The following L3MBTL2 variants were observed in gnomAD, a reference collection of about 807,000 sequenced individuals.
The protein encoded by L3MBTL2 is L3MBTL histone methyl-lysine binding protein 2, also known as lethal(3)malignant brain tumor-like protein 2.
Under a neutral mutation model 86.4 loss-of-function variants are expected in L3MBTL2, and 49 were observed. The ratio of observed to expected loss-of-function variants is 0.57; its 90% CI spans 0.45 to 0.72. L3MBTL2 has a LOEUF of 0.72. L3MBTL2 is among the 30% of genes least tolerant of loss of function. The pLI is 0.00. For synonymous variants in L3MBTL2, 336 were observed against 350.6 expected (o/e 0.96, Z 0.47); for missense variants, 755 against 923.7 (o/e 0.82, Z 2.37).
In L3MBTL2 at chr22:41,205,378, A is replaced by C; in HGVS notation, c.16A>C (p.Ser6Arg). The C allele has an allele frequency of 1.2e-6, 2 of 1,614,076 alleles. No individual in the cohort carries two copies. The highest frequency in any genetic ancestry group is 2.2e-5 in the South Asian group (2 of 91,080). The change falls in exon 1 of 17, where the codon AGT (serine) becomes CGT (arginine). Residue 6 changes from serine (S) to arginine (R), a missense_variant. By Grantham distance (110) the Ser-to-Arg change is moderately radical. This residue lies in a region of L3MBTL2 where 103 missense variants were observed against 105.2 expected (regional missense o/e 0.98). Transcript: ENST00000216237. The part of the protein sequence containing the change: MEKPR[S>R]IEETPSSEPM... ...CTGAGGTCTCATGGAGAAGCCCCGG[A>C]GTATTGAGGTGAGAAGGCGAGGACT...
Position 41,205,469 on chromosome 22 carries a change from GA to G in L3MBTL2, c.24+84del, listed in dbSNP as rs2030128828. On this transcript the variant is annotated intron_variant, in intron 1 of 16. Transcript: ENST00000216237. ...TGGGCCCTTCTTTAGGGCTTTTAGC[GA>G]CGCCTGGAGGGTGGAGGGTGGGAGG... 3 of 1,497,514 alleles carry G rather than the reference GA, an allele frequency of 2.0e-6. No individual in the cohort carries two copies. In the East Asian group the frequency reaches 6.8e-5, roughly 34 times the overall value. The allele number at this position is 1,497,514 out of a possible 1,614,324, so 92.8% of individuals were successfully genotyped here.
rs989369127 is a variant in L3MBTL2, at chr22:41,227,033, G to A, written c.1588-56G>A. ...TTCAAGTGCCTCCGGGCCGGGGCAA[G>A]CCTGCTGGGGTAGGGAGCTGACTGG... On this transcript the variant is annotated intron_variant, in intron 13 of 16. Coordinates refer to ENST00000216237, the MANE Select transcript of L3MBTL2 (RefSeq NM_031488.5). The surrounding 1 kb of genome is among the most constrained non-coding windows in gnomAD (Gnocchi z 6.0). 80 of 1,488,844 alleles carry A rather than the reference G, an allele frequency of 5.4e-5. No homozygotes were observed. The highest frequency in any genetic ancestry group is 6.9e-5 in the Non-Finnish European group (76 of 1,094,058). 92.2% of individuals were successfully genotyped at this position (1,488,844 alleles called of 1,614,324 possible).
chr22:41,222,417 G>C (rs1011833339), intron 8 of L3MBTL2, among the ~76,000 whole-genome samples: 2 of 152,064 alleles, frequency 1.3e-5, no homozygotes, highest in Non-Finnish European at 2.9e-5. Flanking sequence ...TAGGACTCCT[G>C]TGTGGCACAG....
At chr22:41,207,236 CTTTTTTTTTTT>C (rs753351369) in intron 1 of L3MBTL2, among the ~76,000 whole-genome samples, 1,826 of 120,546 alleles carry the variant, frequency 0.015, 27 homozygotes, top group African/African-American at 0.054. Flanking sequence ...CCCCCAAATC[CTTTTTTTTTTT>C]TTTTTTTTTT....
At chr22:41,228,180 A>G (rs922895417) in intron 15 of L3MBTL2, 4 of 985,338 alleles carry the variant, frequency 4.1e-6, no homozygotes, top group Admixed American at 6.1e-5. Context: ...TTCAGAAAAA[A>G]ACAGCCTGGC....
intron 6 of L3MBTL2, among the ~76,000 whole-genome samples, chr22:41,220,047 A>G (rs1466872882): frequency 1.3e-5 from 2 of 152,136 alleles, no homozygotes; most frequent in Non-Finnish European, 2.9e-5. Context: ...GGAAACCCCA[A>G]TTTTTAAAGT....
At chr22:41,229,411 C>G in intron 15 of L3MBTL2, 129 bp from the exon 16 acceptor site, 1 of 998,926 alleles carries the variant, frequency 1.0e-6, no homozygotes, top group Non-Finnish European at 1.4e-6. Flanking sequence ...AGTTGGAGTC[C>G]AGGCTTTCTG....
chr22:41,230,124 C>CCCCT lies in L3MBTL2; in HGVS notation c.2006-9_2006-6dup. 1 of 1,345,606 alleles carries CCCCT rather than the reference C, an allele frequency of 7.4e-7. No individual in the cohort carries two copies. The highest frequency in any genetic ancestry group is 1.1e-6 in the Non-Finnish European group (1 of 937,614). 83.4% of individuals were successfully genotyped at this position (1,345,606 alleles called of 1,614,324 possible). On this transcript the variant is annotated splice_polypyrimidine_tract_variant and intron_variant, in intron 16 of 16. Transcript: ENST00000216237. ...TATTTACTCGCCCACCCACCCGCCT[C>CCCCT]CCCTCCCTCTTCAGTCATTGCTGTG...
At chr22:41,228,262 T>A in intron 15 of L3MBTL2, 1 of 985,404 alleles carries the variant, frequency 1.0e-6, no homozygotes, top group Non-Finnish European at 1.2e-6. Flanking sequence ...TCTCCAAGGC[T>A]GTCATTCTTA....
At chr22:41,216,894 T>C in intron 4 of L3MBTL2, 1 of 488,350 alleles carries the variant, frequency 2.0e-6, no homozygotes, top group Non-Finnish European at 3.7e-6. Context: ...AATGTTCCTC[T>C]ACTCCTGAGA....
At chr22:41,211,953 T>C (rs2145574128) in intron 2 of L3MBTL2, among the ~76,000 whole-genome samples, 1 of 130,106 alleles carries the variant, frequency 7.7e-6, no homozygotes, top group East Asian at 2.5e-4. Context: ...AAGCTCCGCC[T>C]CCCGGGTTCA....
chr22:41,226,875 A>G, intron 13 of L3MBTL2, 131 bp downstream of exon 13: 1 of 777,990 alleles, frequency 1.3e-6, no homozygotes, highest in Non-Finnish European at 2.1e-6. Flanking sequence ...TTTCAGGGGG[A>G]AGTCCCCAGC....
chr22:41,226,967 C>T (rs1162850332), intron 13 of L3MBTL2, 122 bp from the exon 14 acceptor site: 10 of 871,948 alleles, frequency 1.1e-5, no homozygotes, highest in Non-Finnish European at 1.8e-5. Context: ...GAGGAAGCTG[C>T]CCCAGCAGCC....
In L3MBTL2 at chr22:41,213,932, C is replaced by T. The variant is rs1359546570; in HGVS notation, c.302C>T (p.Ala101Val). The T allele has an allele frequency of 6.2e-7, 1 of 1,614,132 alleles. No individual in the cohort carries two copies. Among genetic ancestry groups the T allele is most frequent in the Non-Finnish European group, 8.5e-7 (1 of 1,180,020 alleles). Residue 101 changes from alanine (A) to valine (V), a missense_variant, in exon 3 of 17, where the codon GCC becomes GTC. Ala to Val is a moderately conservative substitution (Grantham distance 64, BLOSUM62 0). Coordinates refer to ENST00000216237, the MANE Select transcript of L3MBTL2 (RefSeq NM_031488.5). Reference protein sequence around the residue: ...EMCGIVGTREAFFSKTKRFCS... With the variant: ...EMCGIVGTREVFFSKTKRFCS... Reference sequence around the variant, plus strand: ...TGTGGTATCGTGGGTACAAGGGAAGCCTTCTTCTCCAAGACCAAGAGGTTC... The same window carrying T: ...TGTGGTATCGTGGGTACAAGGGAAGTCTTCTTCTCCAAGACCAAGAGGTTC...
Position 41,209,941 on chromosome 22 carries a change from CAG to C in L3MBTL2, c.262+11_262+12del. The C allele has an allele frequency of 1.9e-6, 3 of 1,612,738 alleles. No homozygotes were observed. Among genetic ancestry groups the C allele is most frequent in the Non-Finnish European group, 2.5e-6 (3 of 1,179,142 alleles). ...GCAGTGGTTCTGAGCCAGGTGCCTT[CAG>C]AGTGTCCCCTGAGGATGGAGAGGAG... On this transcript the variant is annotated intron_variant, in intron 2 of 16. Coordinates refer to ENST00000216237, the MANE Select transcript of L3MBTL2 (RefSeq NM_031488.5).
chr22:41,211,162 G>T (rs1469682944), intron 2 of L3MBTL2, among the ~76,000 whole-genome samples: 1 of 152,148 alleles, frequency 6.6e-6, no homozygotes, highest in Non-Finnish European at 1.5e-5. Context: ...AGGCAGGCTG[G>T]ATAGTCTGTG....
chr22:41,217,700 A>C (rs1025941822), intron 5 of L3MBTL2: 1 of 160,206 alleles, frequency 6.2e-6, no homozygotes, highest in African/African-American at 2.4e-5. Flanking sequence ...AATATCCAGC[A>C]GCTGTGACGT....
At chr22:41,228,866 A>AAATTG (rs2032383928) in intron 15 of L3MBTL2, among the ~76,000 whole-genome samples, 1 of 151,828 alleles carries the variant, frequency 6.6e-6, no homozygotes. Flanking sequence ...AAAAAAAAAA[A>AAATTG]ATTGAGTGAG....
chr22:41,226,547 G>A, intron 12 of L3MBTL2, 115 bp from the exon 13 acceptor site: 2 of 757,224 alleles, frequency 2.6e-6, no homozygotes, highest in South Asian at 2.8e-5. Context: ...CTGCTGGGGA[G>A]ACTCCATGCT....
Sources: gnomAD v4.1 joint callset for allele counts (sites outside exome capture counted in the v4.1 genomes callset) on GRCh38, gnomAD v4.1.1 for gene constraint, gnomAD v4.1.1 regional missense constraint, Gnocchi (gnomAD v3.1) non-coding constraint, MANE v1.5 for transcripts, NCBI Gene and HGNC (gene_info 2026-07-23, HGNC 2026-07-21) for gene names.